Variants in IHO1 observed in about 807,000 individuals in gnomAD.
The protein encoded by IHO1 is interactor of HORMAD1 1, also known as interactor of HORMAD1 protein 1.
A neutral mutation model predicts 31.0 loss-of-function variants in IHO1; 13 were observed. The observed-to-expected ratio is 0.42, with a 90% CI of 0.27 to 0.67. The LOEUF is 0.67. IHO1 is among the 30% of genes least tolerant of loss of function. The pLI, the probability that IHO1 is intolerant of heterozygous loss-of-function variation, is 0.24. For synonymous variants in IHO1, 221 were observed against 248.4 expected (o/e 0.89, Z 1.04); for missense variants, 599 against 687.5 (o/e 0.87, Z 1.44).
chr3:49,197,378 C>T (rs1390129985), upstream of IHO1, among the ~76,000 whole-genome samples: 3 of 151,542 alleles, frequency 2.0e-5, no homozygotes, highest in African/African-American at 7.3e-5. Flanking sequence ...TCACTCTAAC[C>T]TCAAACTCCT....
intron 3 of IHO1, among the ~76,000 whole-genome samples, chr3:49,239,076 A>G (rs1489310435): frequency 2.6e-5 from 4 of 152,096 alleles, no homozygotes; most frequent in Non-Finnish European, 5.9e-5. Context: ...GGTGCAAGCA[A>G]TTATCATGCC....
At chr3:49,194,036 G>A (rs1183009489), upstream of IHO1, among the ~76,000 whole-genome samples, 3 of 147,798 alleles carry the variant, frequency 2.0e-5, no homozygotes, top group African/African-American at 5.0e-5. Context: ...TTGGGAGGCT[G>A]AGGCAGGCAG....
At chr3:49,245,407 C>T (rs1476633698) in intron 6 of IHO1, 1 of 152,308 alleles carries the variant, frequency 6.6e-6, no homozygotes, top group Non-Finnish European at 1.5e-5. Context: ...AGGATGGTCT[C>T]CATCTCCTGA....
Position 49,220,258 on chromosome 3 carries a change from C to G in IHO1, c.56+8422C>G, listed in dbSNP as rs565482417. ...GAGGGTCCCGTCCCGGGCCCTGTTC[C>G]AAACTGGGGCATTTCCGGCTCAGGC... On this transcript the variant is annotated intron_variant, in intron 2 of 7. Transcript: ENST00000452691. Among the ~76,000 whole-genome samples the G allele has an allele frequency of 1.5e-4, 23 of 152,350 alleles. No individual in the cohort carries two copies. In the South Asian group the frequency reaches 4.8e-3, roughly 32 times the overall value.
chr3:49,211,117 C>T (rs1331837252), intron 1 of IHO1, among the ~76,000 whole-genome samples: 1 of 151,052 alleles, frequency 6.6e-6, no homozygotes, highest in Non-Finnish European at 1.5e-5. Flanking sequence ...ATGCCATTCT[C>T]CTGCCCCGGC....
chr3:49,205,757 G>A (rs559761355), intron 1 of IHO1, among the ~76,000 whole-genome samples: 4 of 140,288 alleles, frequency 2.9e-5, no homozygotes, highest in African/African-American at 5.3e-5. Flanking sequence ...GAGCCACTGC[G>A]CCTGGGCAAT....
chr3:49,195,816 TG>T (rs1177693460), upstream of IHO1, among the ~76,000 whole-genome samples: 1 of 149,674 alleles, frequency 6.7e-6, no homozygotes, highest in Middle Eastern at 3.4e-3. Context: ...AGAAATCACC[TG>T]GGGGCCAGGC....
chr3:49,215,405 C>T (rs2046276409), intron 2 of IHO1, among the ~76,000 whole-genome samples: 1 of 152,176 alleles, frequency 6.6e-6, no homozygotes, highest in Non-Finnish European at 1.5e-5. Context: ...AAAACTGTTC[C>T]CAGCCTACCA....
intron 4 of IHO1, among the ~76,000 whole-genome samples, chr3:49,242,552 G>A (rs1333150491): frequency 1.3e-5 from 2 of 152,120 alleles, no homozygotes; most frequent in Non-Finnish European, 2.9e-5. Context: ...TTCAAGTAAT[G>A]TTACACTTAT....
chr3:49,234,286 C>T (rs916082006), intron 2 of IHO1, among the ~76,000 whole-genome samples: 3 of 150,356 alleles, frequency 2.0e-5, no homozygotes, highest in East Asian at 2.0e-4. Flanking sequence ...GATTCTCCTG[C>T]CTCAGCCTCC....
In IHO1 at chr3:49,236,537, C is replaced by CAGGAA; in HGVS notation, c.57-11_57-10insAGGAA. On this transcript the variant is annotated splice_polypyrimidine_tract_variant and intron_variant, in intron 2 of 7. Transcript: ENST00000452691. ...TGTCTATTTGATACACTTTTTTTTG[C>CAGGAA]TAAATTTCAGGAACAAGAAGTCATC... 1 of 1,581,198 alleles carries CAGGAA rather than the reference C, an allele frequency of 6.3e-7. No homozygotes were observed. Among genetic ancestry groups the CAGGAA allele is most frequent in the South Asian group, 1.1e-5 (1 of 88,026 alleles).
intron 1 of IHO1, among the ~76,000 whole-genome samples, chr3:49,205,836 C>A (rs1274913960): frequency 6.8e-6 from 1 of 147,884 alleles, no homozygotes; most frequent in Non-Finnish European, 1.5e-5. Flanking sequence ...GTGGCGCAAT[C>A]TCGGCTCACT....
At chr3:49,197,321 A>G (rs2046005276), upstream of IHO1, among the ~76,000 whole-genome samples, 1 of 151,536 alleles carries the variant, frequency 6.6e-6, no homozygotes, top group Non-Finnish European at 1.5e-5. Flanking sequence ...TGTTTTAGAC[A>G]GTCTCGCTCT....
intron 3 of IHO1, among the ~76,000 whole-genome samples, chr3:49,240,605 C>T (rs1374281965): frequency 6.6e-6 from 1 of 152,224 alleles, no homozygotes; most frequent in Non-Finnish European, 1.5e-5. Context: ...GATCCACCCA[C>T]CTCGGCCTCC....
intron 6 of IHO1, chr3:49,252,333 G>A (rs574790786): frequency 2.6e-5 from 4 of 153,454 alleles, no homozygotes; most frequent in Non-Finnish European, 5.9e-5. Flanking sequence ...TGCCAGTGGG[G>A]TGGCACAGCC....
At chr3:49,198,998 G>C (rs1012183541), upstream of IHO1, 1 of 152,718 alleles carries the variant, frequency 6.5e-6, no homozygotes, top group East Asian at 1.9e-4. Flanking sequence ...CTGGCCCCTG[G>C]CCACCAGTTC....
chr3:49,254,333 G>C (rs2046798269), intron 6 of IHO1, among the ~76,000 whole-genome samples: 1 of 152,128 alleles, frequency 6.6e-6, no homozygotes, highest in African/African-American at 2.4e-5. Flanking sequence ...CTGTGCAAAA[G>C]AGGAAAATCA....
chr3:49,196,961 C>T (rs1021048159), upstream of IHO1, among the ~76,000 whole-genome samples: 12 of 137,174 alleles, frequency 8.7e-5, no homozygotes, highest in Non-Finnish European at 1.6e-4. Context: ...TGAGCCACTG[C>T]GCCAGGCCAC....
upstream of IHO1, among the ~76,000 whole-genome samples, chr3:49,196,679 G>T (rs189991647): frequency 0.013 from 1,723 of 134,132 alleles, 32 homozygotes; most frequent in Middle Eastern, 0.06. Context: ...TTGATTGATT[G>T]ATTTTTTTTG....
Sources: allele counts gnomAD v4.1 joint callset (sites outside exome capture counted in the v4.1 genomes callset), GRCh38; gene constraint gnomAD v4.1.1; transcripts MANE v1.5; gene names NCBI Gene and HGNC (gene_info 2026-07-23, HGNC 2026-07-21).